The following LRCH3 variants were observed in gnomAD, a reference collection of about 807,000 sequenced individuals.
The protein encoded by LRCH3 is DISP complex protein LRCH3.
A neutral mutation model predicts 104.5 loss-of-function variants in LRCH3; 68 were observed. The observed-to-expected ratio is 0.65, with a 90% CI of 0.54 to 0.80. The LOEUF (loss-of-function observed/expected upper bound fraction) is 0.80. LRCH3 is among the 30% of genes least tolerant of loss of function. The probability of loss-of-function intolerance (pLI) is 0.00; values close to 1 mark genes in which losing one functional copy is unlikely to be tolerated. For synonymous variants in LRCH3, 344 were observed against 361.3 expected, an observed-to-expected ratio of 0.95 and a Z score of 0.54; for missense variants, 951 against 953.9, an observed-to-expected ratio of 1.00 and a Z score of 0.04.
In LRCH3 at chr3:197,817,260, A is replaced by G. The variant is rs767341764; in HGVS notation, c.492A>G (p.Ser164=). ...TTGCTAGTAATAACAAATTGGTGTC[A>G]CTTCCAGAAGAAATTGGACACCTTA... ...VLIASNNKLV[S]LPEEIGHLRH... Residue 164 remains serine (S), a synonymous_variant, in exon 3 of 21, where the codon TCA becomes TCG. Transcript: ENST00000425562. The G allele has an allele frequency of 2.5e-6, 4 of 1,611,478 alleles. No homozygotes were observed. Among genetic ancestry groups the G allele is most frequent in the Non-Finnish European group, 2.5e-6 (3 of 1,178,858 alleles).
chr3:197,837,170 G>A (rs182368026), intron 9 of LRCH3, among the ~76,000 whole-genome samples: 125 of 152,244 alleles, frequency 8.2e-4, no homozygotes, highest in African/African-American at 2.8e-3. Context: ...GAGGCTGCTG[G>A]AGCAAGGGGC....
At chr3:197,880,843 A>C in intron 20 of LRCH3, 1 of 1,462,564 alleles carries the variant, frequency 6.8e-7, no homozygotes, top group Non-Finnish European at 9.0e-7. Flanking sequence ...CCCATAAAGG[A>C]GGTAAATCCT....
chr3:197,872,832 G>C (rs942704284), intron 19 of LRCH3, among the ~76,000 whole-genome samples: 1 of 151,756 alleles, frequency 6.6e-6, no homozygotes, highest in Non-Finnish European at 1.5e-5. Context: ...TCCAGCCTGG[G>C]CAAGACAGAG....
In LRCH3 at chr3:197,870,162, C is replaced by T. The variant is rs141489799; in HGVS notation, c.1876C>T (p.His626Tyr). Residue 626 changes from histidine (H) to tyrosine (Y), a missense_variant and splice_region_variant, in exon 18 of 21, where the codon CAT becomes TAT. Coordinates refer to ENST00000425562, the MANE Select transcript of LRCH3 (RefSeq NM_001365715.1). The stretch of plus-strand genomic sequence containing the variant: ...CTTACATATTAATATTTTTATAGGT[C>T]ATGCTTCACCCCTTCCTCCATCTGC... ...AGVRAETNKG[H>Y]ASPLPPSAAP... is the part of the protein sequence containing the mutation. 37 of 1,612,380 alleles carry T rather than the reference C, an allele frequency of 2.3e-5. No individual in the cohort carries two copies. In the African/African-American group the frequency reaches 3.9e-4, roughly 17 times the overall value.
chr3:197,855,970 G>A (rs1381580594), intron 14 of LRCH3, among the ~76,000 whole-genome samples: 3 of 152,152 alleles, frequency 2.0e-5, no homozygotes, highest in Non-Finnish European at 2.9e-5. Context: ...AGTGAAGTCC[G>A]AACGTGGCCT....
At chr3:197,870,314 A>G (rs1171107830) in intron 18 of LRCH3, 36 bp downstream of exon 18, 1 of 1,584,316 alleles carries the variant, frequency 6.3e-7, no homozygotes, top group Non-Finnish European at 8.7e-7. Context: ...CTTTTTCAGT[A>G]TTACTGCTAT....
In LRCH3 at chr3:197,847,430, C is replaced by T. The variant is rs755628237; in HGVS notation, c.1350C>T (p.Ser450=). 5 of 1,598,470 alleles carry T rather than the reference C, an allele frequency of 3.1e-6. No individual in the cohort carries two copies. The highest frequency in any genetic ancestry group is 4.6e-5 in the East Asian group (2 of 43,716). The change falls in exon 11 of 21, where the codon TCC becomes TCT. Residue 450 remains serine (S), a synonymous_variant. Transcript: ENST00000425562. The stretch of plus-strand genomic sequence containing the variant: ...TCAGGGTTCCAGCTGAGCCATCTTC[C>T]CTCCTGTCACTATCAGCAAGTCACA... ...HQNRVPAEPS[S]LLSLSASHNQ...
Position 197,852,632 on chromosome 3 carries a change from T to G in LRCH3, c.1590+12T>G, listed in dbSNP as rs865850639. 1.2e-6 allele frequency: 2 copies of G among 1,612,466 alleles called. No homozygotes were observed. Among genetic ancestry groups the G allele is most frequent in the Middle Eastern group, 1.7e-4 (1 of 6,060 alleles). The stretch of plus-strand genomic sequence containing the variant: ...GCGTAGATGGTGAGGTAAGTTGATG[T>G]AATCTCCTTTTCTTTGGAGTTGATT... On this transcript the variant is annotated intron_variant, in intron 13 of 20. Coordinates refer to ENST00000425562, the MANE Select transcript of LRCH3 (RefSeq NM_001365715.1).
At chr3:197,875,526 C>G (rs1342144319) in intron 19 of LRCH3, among the ~76,000 whole-genome samples, 172 bp from the exon 20 acceptor site, 1 of 152,070 alleles carries the variant, frequency 6.6e-6, no homozygotes, top group Non-Finnish European at 1.5e-5. Context: ...TGATGGCATG[C>G]AACTATAGTC....
At chr3:197,840,213 G>A (rs983285779) in intron 10 of LRCH3, among the ~76,000 whole-genome samples, 6 of 152,090 alleles carry the variant, frequency 3.9e-5, no homozygotes, top group African/African-American at 1.4e-4. Flanking sequence ...TGAGGCAGGT[G>A]GATCATTTGA....
Position 197,881,264 on chromosome 3 carries a change from G to T in LRCH3, c.2209-2277G>T. 3.0e-6 allele frequency: 3 copies of T among 995,832 alleles called. No homozygotes were observed. In the South Asian group the frequency reaches 1.3e-4, roughly 44 times the overall value. The allele number at this position is 995,832 out of a possible 1,614,324, so 61.7% of individuals were successfully genotyped here. A position where few individuals can be genotyped will look rare whatever the true frequency, so the allele number is the denominator to read the frequency against. On this transcript the variant is annotated intron_variant, in intron 20 of 20. Coordinates refer to ENST00000425562, the MANE Select transcript of LRCH3 (RefSeq NM_001365715.1). ...ATCCCCGCTTTGTCGGTAGGCACAG[G>T]TCCATATAAGCATTTGCGGTCTGGA... is the stretch of plus-strand genomic sequence containing the variant.
intron 10 of LRCH3, among the ~76,000 whole-genome samples, chr3:197,844,823 G>A (rs1391100015): frequency 6.6e-6 from 1 of 151,492 alleles, no homozygotes; most frequent in Non-Finnish European, 1.5e-5. Context: ...GTTTCACCAT[G>A]TTGACCAGGA....
chr3:197,816,541 G>T (rs774335836), intron 2 of LRCH3, among the ~76,000 whole-genome samples: 1 of 152,128 alleles, frequency 6.6e-6, no homozygotes, highest in African/African-American at 2.4e-5. Context: ...TGGCCTCCCA[G>T]AGTGCTGGGA....
chr3:197,817,133 G>T (rs1351010467), intron 2 of LRCH3, 43 bp from the exon 3 acceptor site: 1 of 1,550,252 alleles, frequency 6.5e-7, no homozygotes, highest in Non-Finnish European at 8.7e-7. Context: ...TTTTTCTTCA[G>T]TGGTGGACTC....
chr3:197,823,804 A>G (rs1241836838), intron 4 of LRCH3, among the ~76,000 whole-genome samples: 2 of 151,922 alleles, frequency 1.3e-5, no homozygotes, highest in Admixed American at 6.6e-5. Flanking sequence ...TTTCTAACTG[A>G]TATGTTTTTA....
chr3:197,835,547 C>G (rs1008329676), intron 8 of LRCH3, 127 bp from the exon 9 acceptor site: 31 of 1,268,310 alleles, frequency 2.4e-5, no homozygotes, highest in Non-Finnish European at 3.1e-5. Context: ...TTTTTATCAT[C>G]CCTCCCACTT....
intron 20 of LRCH3, among the ~76,000 whole-genome samples, chr3:197,879,386 C>A (rs796942633): frequency 6.6e-6 from 1 of 152,160 alleles, no homozygotes; most frequent in Admixed American, 6.5e-5. Flanking sequence ...GTGGCTCACG[C>A]CTGTAATCCC....
chr3:197,815,001 A>G lies in LRCH3; in HGVS notation c.356A>G (p.Tyr119Cys), dbSNP rs1733642302. ...AACTTGTACCAAAATTGTATTCGTT[A>G]TATTCCAGAGGCAATTTTAAACCTA... The part of the protein sequence containing the change: ...NLNLYQNCIR[Y>C]IPEAILNLQA... Residue 119 changes from tyrosine to cysteine, a missense_variant, in exon 2 of 21, where the codon TAT (tyrosine) becomes TGT (cysteine). Transcript: ENST00000425562. 2 of 1,574,756 alleles carry G rather than the reference A, an allele frequency of 1.3e-6. No individual in the cohort carries two copies. The highest frequency in any genetic ancestry group is 1.4e-5 in the African/African-American group (1 of 74,052).
intron 12 of LRCH3, among the ~76,000 whole-genome samples, chr3:197,848,671 T>C (rs972057840): frequency 1.3e-5 from 2 of 152,266 alleles, no homozygotes; most frequent in Non-Finnish European, 2.9e-5. Flanking sequence ...GAACCATGTC[T>C]GTTTTACTTA....
Sources: allele counts gnomAD v4.1 joint callset (sites outside exome capture counted in the v4.1 genomes callset), GRCh38; gene constraint gnomAD v4.1.1; transcripts MANE v1.5; gene names NCBI Gene and HGNC (gene_info 2026-07-23, HGNC 2026-07-21).